COLEC12: variants seen among roughly 807,000 people sequenced by gnomAD.
COLEC12 encodes collectin-12.
Under a neutral mutation model 71.1 loss-of-function variants are expected in COLEC12, and 33 were observed. The ratio of observed to expected loss-of-function variants is 0.46; its 90% CI spans 0.35 to 0.62. COLEC12 has a LOEUF of 0.62. COLEC12 is among the 20% of genes least tolerant of loss of function. The pLI, the probability that COLEC12 is intolerant of heterozygous loss-of-function variation, is 0.00. For missense variants in COLEC12, 765 were observed against 916.1 expected (o/e 0.84, Z 2.13); for synonymous variants, 350 against 353.0 (o/e 0.99, Z 0.10).
At chr18:371,204 T>C (rs1294897028) in intron 2 of COLEC12, among the ~76,000 whole-genome samples, 1 of 152,174 alleles carries the variant, frequency 6.6e-6, no homozygotes, top group Non-Finnish European at 1.5e-5. Context: ...CAAAAGAACA[T>C]ATACTACAGT....
rs1424510483 is a variant in COLEC12 at position 319,347 on chromosome 18, T to C, written c.*698A>G. 8.4e-6 allele frequency: 1 copy of C among 119,456 alleles called. No homozygotes were observed. The highest frequency in any genetic ancestry group is 8.8e-5 in the Admixed American group (1 of 11,412). The allele number at this position is 119,456 out of a possible 1,614,324, so 7.4% of individuals were successfully genotyped here. A position where few individuals can be genotyped will look rare whatever the true frequency, so the allele number is the denominator to read the frequency against. On this transcript the variant is annotated 3_prime_UTR_variant, in exon 10 of 10. Transcript: ENST00000400256. ...AAAAAAAAAAAAAAAAAAAAATATATATATATATATATATATACACATGTA... is the reference window on the plus strand; with the variant it reads ...AAAAAAAAAAAAAAAAAAAAATATACATATATATATATATATACACATGTA...
chr18:344,301 T>C (rs1046486238), intron 5 of COLEC12, among the ~76,000 whole-genome samples: 1 of 152,210 alleles, frequency 6.6e-6, no homozygotes, highest in African/African-American at 2.4e-5. Context: ...AAACCAAAAT[T>C]GATCTTCCCT....
intron 2 of COLEC12, among the ~76,000 whole-genome samples, chr18:445,155 G>GGAA (rs1916621589): frequency 6.6e-6 from 1 of 152,134 alleles, no homozygotes; most frequent in East Asian, 1.9e-4. Context: ...TTCATACGGA[G>GGAA]AACTGACTGA....
In COLEC12 at chr18:319,333, A is replaced by ATATATATATATATATAT. The variant is rs1400580381; in HGVS notation, c.*711_*712insATATATATATATATATA. The ATATATATATATATATAT allele has an allele frequency of 3.0e-5, 2 of 65,916 alleles. No homozygotes were observed. The highest frequency in any genetic ancestry group is 7.0e-5 in the Non-Finnish European group (2 of 28,450). 4.1% of individuals were successfully genotyped at this position (65,916 alleles called of 1,614,324 possible). ...GGAAATGAAACATTAAAAAAAAAAA[A>ATATATATATATATATAT]AAAAAAAAATATATATATATATATA... On this transcript the variant is annotated 3_prime_UTR_variant, in exon 10 of 10. Coordinates refer to ENST00000400256, the MANE Select transcript of COLEC12 (RefSeq NM_130386.3).
chr18:324,479 G>C (rs1344066096), intron 8 of COLEC12, among the ~76,000 whole-genome samples: 1 of 142,578 alleles, frequency 7.0e-6, no homozygotes, highest in East Asian at 1.9e-4. Flanking sequence ...GCTCCAGTAA[G>C]CTGGAAACAC....
Position 500,464 on chromosome 18 carries a change from C to G in COLEC12, c.7+44G>C. ...CGTGGCCTCCCGCGCGCCCCGAAGC[C>G]CGTTCCCCCCGCCCAGAGCCCCGCG... On this transcript the variant is annotated intron_variant, in intron 1 of 9. Coordinates refer to ENST00000400256, the MANE Select transcript of COLEC12 (RefSeq NM_130386.3). The surrounding 1 kb of genome is among the most constrained non-coding windows in gnomAD (Gnocchi z 5.3). 2 of 1,220,698 alleles carry G rather than the reference C, an allele frequency of 1.6e-6. No individual in the cohort carries two copies. The highest frequency in any genetic ancestry group is 3.3e-5 in the East Asian group (1 of 30,640). 75.6% of individuals were successfully genotyped at this position (1,220,698 alleles called of 1,614,324 possible).
chr18:468,529 AAC>A (rs138403777), intron 2 of COLEC12, among the ~76,000 whole-genome samples: 10 of 151,368 alleles, frequency 6.6e-5, no homozygotes, highest in South Asian at 4.2e-4. Context: ...TAAATAGCCA[AAC>A]ACACACACAC....
At position 333,019 on chromosome 18, in the gene COLEC12, A is replaced by G. The variant is rs750002429; in HGVS notation, c.1941T>C (p.Thr647=). The G allele has an allele frequency of 3.1e-5, 50 of 1,601,828 alleles. No individual in the cohort carries two copies. In the South Asian group the frequency reaches 5.1e-4, roughly 16 times the overall value. ...DKSSHLVFIN[T]REEQQWIKKQ... ...GTGGCAGGCATACCTGTTCCTCTCT[A>G]GTGTTTATGAAAACAAGATGTGAAG... is the stretch of plus-strand genomic sequence containing the variant. Residue 647 remains threonine, a synonymous_variant, in exon 7 of 10, where the codon ACT becomes ACC. Transcript: ENST00000400256.
chr18:389,714 G>A (rs1447380399), intron 2 of COLEC12, among the ~76,000 whole-genome samples: 2 of 152,006 alleles, frequency 1.3e-5, no homozygotes, highest in Non-Finnish European at 2.9e-5. Context: ...GGTCATCCCC[G>A]GACTTTCTCC....
At chr18:417,918 C>T (rs550560279) in intron 2 of COLEC12, among the ~76,000 whole-genome samples, 6 of 152,148 alleles carry the variant, frequency 3.9e-5, no homozygotes, top group African/African-American at 9.7e-5. Context: ...CCACTTTGGG[C>T]GATTCAGTCC....
chr18:347,495 A>G lies in COLEC12; in HGVS notation c.281-154T>C, dbSNP rs370592284. Among the ~76,000 whole-genome samples, 29 of 152,350 alleles carry G rather than the reference A, an allele frequency of 1.9e-4. No individual in the cohort carries two copies. In the East Asian group the frequency reaches 3.5e-3, roughly 18 times the overall value. On this transcript the variant is annotated intron_variant, in intron 4 of 9. Coordinates refer to ENST00000400256, the MANE Select transcript of COLEC12 (RefSeq NM_130386.3). ...AGCTCTGCATTAGTAAAATGTACAT[A>G]TCTATTAAAACTGGGTCCTGGGGAA...
At chr18:417,599 C>A (rs998177284) in intron 2 of COLEC12, among the ~76,000 whole-genome samples, 4 of 152,152 alleles carry the variant, frequency 2.6e-5, no homozygotes, top group African/African-American at 9.7e-5. Flanking sequence ...GCCCTACCTT[C>A]TGGGCAGGAA....
intron 3 of COLEC12, among the ~76,000 whole-genome samples, chr18:353,724 T>C (rs1465879296): frequency 6.6e-6 from 1 of 152,230 alleles, no homozygotes; most frequent in Non-Finnish European, 1.5e-5. Context: ...ATCATGGCAC[T>C]GTGGGATAAA....
At chr18:406,593 A>C (rs1461132485) in intron 2 of COLEC12, among the ~76,000 whole-genome samples, 1 of 149,854 alleles carries the variant, frequency 6.7e-6, no homozygotes, top group Non-Finnish European at 1.5e-5. Context: ...CCATTATTTT[A>C]TTCCTTTACT....
intron 2 of COLEC12, among the ~76,000 whole-genome samples, chr18:450,437 T>C (rs138824416): frequency 4.6e-5 from 7 of 152,256 alleles, no homozygotes; most frequent in South Asian, 4.1e-4. Flanking sequence ...GGTTTACAAG[T>C]GTGTGGCATC....
At chr18:464,562 C>T (rs1917049243) in intron 2 of COLEC12, among the ~76,000 whole-genome samples, 1 of 152,202 alleles carries the variant, frequency 6.6e-6, no homozygotes, top group African/African-American at 2.4e-5. Context: ...CACTGGTTCC[C>T]CCCACTTTCT....
chr18:381,083 C>T (rs1235517035), intron 2 of COLEC12, among the ~76,000 whole-genome samples: 1 of 152,096 alleles, frequency 6.6e-6, no homozygotes, highest in East Asian at 1.9e-4. Flanking sequence ...CTATAAATGT[C>T]AAAGCAAACA....
intron 2 of COLEC12, among the ~76,000 whole-genome samples, chr18:393,957 A>G (rs541450156): frequency 6.6e-6 from 1 of 152,292 alleles, no homozygotes; most frequent in South Asian, 2.1e-4. Flanking sequence ...AACACATTAC[A>G]CTGTTTACAT....
intron 2 of COLEC12, among the ~76,000 whole-genome samples, chr18:473,887 T>C (rs1176442131): frequency 1.3e-5 from 2 of 152,186 alleles, no homozygotes; most frequent in Non-Finnish European, 2.9e-5. Flanking sequence ...AACCCAATTG[T>C]TGGAAAAACA....
Sources: gnomAD v4.1 joint callset for allele counts (sites outside exome capture counted in the v4.1 genomes callset) on GRCh38, gnomAD v4.1.1 for gene constraint, Gnocchi (gnomAD v3.1) non-coding constraint, MANE v1.5 for transcripts, NCBI Gene and HGNC (gene_info 2026-07-23, HGNC 2026-07-21) for gene names.